The following SSBP2 variants were observed in gnomAD, a reference collection of about 807,000 sequenced individuals.
SSBP2 encodes the protein single stranded DNA binding protein 2.
Under a neutral mutation model 61.8 loss-of-function variants are expected in SSBP2, and 17 were observed. That is an observed-to-expected ratio of 0.28 (90% CI 0.19 to 0.41). The LOEUF is 0.41. Among genes scored for constraint, SSBP2 ranks in the 10% least tolerant of loss-of-function variants. The probability of loss-of-function intolerance (pLI) is 1.00; values close to 1 mark genes in which losing one functional copy is unlikely to be tolerated. For missense variants in SSBP2, 310 were observed against 458.7 expected (o/e 0.68, Z 2.96); for synonymous variants, 139 against 141.3 (o/e 0.98, Z 0.12).
At chr5:81,500,063 C>A (rs149636867) in intron 5 of SSBP2, among the ~76,000 whole-genome samples, 284 of 152,180 alleles carry the variant, frequency 1.9e-3, no homozygotes, top group African/African-American at 6.6e-3. Context: ...ATATAACTGG[C>A]TGGTTATATA....
At chr5:81,699,526 C>T (rs1753818292) in intron 1 of SSBP2, among the ~76,000 whole-genome samples, 12 of 152,196 alleles carry the variant, frequency 7.9e-5, no homozygotes, top group Admixed American at 7.9e-4. Context: ...GAAATAACTC[C>T]TCATCCATTT....
At chr5:81,634,213 C>G (rs563675237) in intron 3 of SSBP2, among the ~76,000 whole-genome samples, 2 of 152,178 alleles carry the variant, frequency 1.3e-5, no homozygotes, top group Non-Finnish European at 2.9e-5. Context: ...GCTTCATCTG[C>G]GTAATAAGAA....
rs190396546 is a variant in SSBP2 at position 81,428,668 on chromosome 5, T to A, written c.973A>T (p.Met325Leu). Residue 325 changes from methionine to leucine, a missense_variant, in exon 16 of 17, where the codon ATG (methionine) becomes TTG (leucine). By Grantham distance (15) the Met-to-Leu change is conservative. Coordinates refer to ENST00000320672, the MANE Select transcript of SSBP2 (RefSeq NM_012446.5). ...GTGCCCGGTTGATTACTCAGGCTCATATTATTGGGAGAATTCTGTAAACAA... is the reference window on the plus strand; with the variant it reads ...GTGCCCGGTTGATTACTCAGGCTCAAATTATTGGGAGAATTCTGTAAACAA... 3.1e-6 allele frequency: 5 copies of A among 1,612,742 alleles called. No homozygotes were observed. Among genetic ancestry groups the A allele is most frequent in the East Asian group, 2.2e-5 (1 of 44,848 alleles).
chr5:81,652,949 T>C (rs1188285531), intron 1 of SSBP2, among the ~76,000 whole-genome samples: 9 of 151,882 alleles, frequency 5.9e-5, no homozygotes, highest in Admixed American at 5.9e-4. Flanking sequence ...ATCACTTTTT[T>C]TTTTTTCATT....
intron 1 of SSBP2, among the ~76,000 whole-genome samples, chr5:81,652,557 G>C (rs1046602440): frequency 5.9e-5 from 9 of 152,134 alleles, no homozygotes; most frequent in Non-Finnish European, 1.2e-4. Context: ...GGGTGATGAA[G>C]TGGGATCCGG....
intron 1 of SSBP2, among the ~76,000 whole-genome samples, chr5:81,723,796 C>T (rs1273899986): frequency 6.6e-6 from 1 of 151,940 alleles, no homozygotes; most frequent in East Asian, 1.9e-4. Flanking sequence ...TATATCATTA[C>T]CAAGACATAG....
chr5:81,662,092 A>T (rs1373193449), intron 1 of SSBP2, among the ~76,000 whole-genome samples: 1 of 152,230 alleles, frequency 6.6e-6, no homozygotes, highest in African/African-American at 2.4e-5. Flanking sequence ...TCATTGAATA[A>T]GCACTTAAGT....
chr5:81,566,154 T>C (rs916958234), intron 4 of SSBP2, among the ~76,000 whole-genome samples: 4 of 152,228 alleles, frequency 2.6e-5, no homozygotes, highest in Non-Finnish European at 5.9e-5. Context: ...CTTTATTCAA[T>C]GCATTAATCA....
At position 81,415,301 on chromosome 5, in the gene SSBP2, G is replaced by C. The variant is rs1457347269; in HGVS notation, c.*5203C>G. ...TACAGTTGTCCCTCCGTATCCAAGG[G>C]AGACCGGTTCCAGGACCTCTGCAGA... On this transcript the variant is annotated 3_prime_UTR_variant, in exon 17 of 17. Transcript: ENST00000320672. The C allele has an allele frequency of 1.3e-5, 2 of 152,292 alleles. No homozygotes were observed. Among genetic ancestry groups the C allele is most frequent in the East Asian group, 3.9e-4 (2 of 5,188 alleles). 9.4% of individuals were successfully genotyped at this position (152,292 alleles called of 1,614,324 possible). A position where few individuals can be genotyped will look rare whatever the true frequency, so the allele number is the denominator to read the frequency against.
chr5:81,659,394 C>A (rs10059425), intron 1 of SSBP2, among the ~76,000 whole-genome samples: 2 of 152,040 alleles, frequency 1.3e-5, no homozygotes, highest in East Asian at 3.9e-4. Context: ...AGAGCCAAAT[C>A]ATGAATGAAC....
intron 4 of SSBP2, among the ~76,000 whole-genome samples, chr5:81,533,474 A>G (rs1002214111): frequency 1.3e-5 from 2 of 152,116 alleles, no homozygotes; most frequent in Non-Finnish European, 2.9e-5. Context: ...GTAGACACAA[A>G]TATCTTTAGC....
At chr5:81,518,187 T>C (rs980958986) in intron 4 of SSBP2, among the ~76,000 whole-genome samples, 20 of 152,142 alleles carry the variant, frequency 1.3e-4, no homozygotes, top group Non-Finnish European at 2.5e-4. Flanking sequence ...GAAATTAAAA[T>C]AGTGCTATGA....
intron 1 of SSBP2, among the ~76,000 whole-genome samples, chr5:81,704,458 T>C (rs1340653447): frequency 1.3e-5 from 2 of 152,060 alleles, no homozygotes; most frequent in Non-Finnish European, 2.9e-5. Flanking sequence ...TATATACACA[T>C]GCACACACAC....
intron 4 of SSBP2, among the ~76,000 whole-genome samples, chr5:81,601,188 A>G (rs1744328821): frequency 6.6e-6 from 1 of 152,200 alleles, no homozygotes; most frequent in South Asian, 2.1e-4. Context: ...GGTAATTTCC[A>G]TGACTCAATT....
intron 4 of SSBP2, among the ~76,000 whole-genome samples, chr5:81,587,575 C>T (rs1245573075): frequency 3.3e-5 from 5 of 152,002 alleles, no homozygotes; most frequent in Non-Finnish European, 7.4e-5. Flanking sequence ...ACTGAAAATA[C>T]AAAAATTAGC....
At chr5:81,456,919 C>T (rs953861253) in intron 10 of SSBP2, among the ~76,000 whole-genome samples, 19 of 152,102 alleles carry the variant, frequency 1.2e-4, no homozygotes, top group Non-Finnish European at 4.4e-5. Flanking sequence ...AGTAGAAAGG[C>T]TAGACTGAAC....
At chr5:81,520,376 G>T (rs1357738863) in intron 4 of SSBP2, among the ~76,000 whole-genome samples, 1 of 151,988 alleles carries the variant, frequency 6.6e-6, no homozygotes, top group South Asian at 2.1e-4. Flanking sequence ...TGACATTGGT[G>T]TTCACAATTT....
intron 1 of SSBP2, among the ~76,000 whole-genome samples, chr5:81,667,806 T>A (rs1581296202): frequency 6.6e-6 from 1 of 152,288 alleles, no homozygotes; most frequent in East Asian, 1.9e-4. Flanking sequence ...AAAAATTTTG[T>A]CACCATATTT....
intron 4 of SSBP2, among the ~76,000 whole-genome samples, chr5:81,567,824 A>G (rs1773546403): frequency 6.6e-6 from 1 of 152,228 alleles, no homozygotes; most frequent in African/African-American, 2.4e-5. Context: ...TGGAGCTTCA[A>G]GATTTGACTG....
Sources: allele counts gnomAD v4.1 joint callset (sites outside exome capture counted in the v4.1 genomes callset), GRCh38; gene constraint gnomAD v4.1.1; transcripts MANE v1.5; gene names NCBI Gene and HGNC (gene_info 2026-07-23, HGNC 2026-07-21).